Variants in SIM1 observed in about 807,000 individuals in gnomAD.
The protein encoded by SIM1 is SIM bHLH transcription factor 1.
SIM1 carries 18 observed loss-of-function variants against 78.2 expected under a neutral mutation model. The observed-to-expected ratio is 0.23, with a 90% CI of 0.16 to 0.34. SIM1 has a LOEUF of 0.34. SIM1 is among the 10% of genes least tolerant of loss of function. The pLI is 1.00. For missense variants in SIM1, 939 were observed against 975.1 expected (o/e 0.96, Z 0.49); for synonymous variants, 417 against 385.2 (o/e 1.08, Z -0.97).
intron 2 of SIM1, chr6:100,462,661 T>C (rs1483533112): frequency 6.6e-6 from 1 of 152,198 alleles, no homozygotes; most frequent in Admixed American, 6.5e-5. Context: ...GCCTATTATC[T>C]TACAGATAAC....
intron 2 of SIM1, among the ~76,000 whole-genome samples, chr6:100,456,255 T>C (rs916206383): frequency 1.3e-5 from 2 of 152,180 alleles, no homozygotes; most frequent in Non-Finnish European, 2.9e-5. Flanking sequence ...AGTCTCGAAG[T>C]GGGGTAGAGA....
intron 10 of SIM1, among the ~76,000 whole-genome samples, chr6:100,402,404 GT>G (rs1438139610): frequency 6.6e-6 from 1 of 152,062 alleles, no homozygotes; most frequent in Non-Finnish European, 1.5e-5. Context: ...CTGGAAGGTA[GT>G]TTGGTACCAA....
intron 10 of SIM1, among the ~76,000 whole-genome samples, chr6:100,410,126 C>A (rs2114487020): frequency 6.6e-6 from 1 of 152,272 alleles, no homozygotes; most frequent in Middle Eastern, 3.4e-3. Flanking sequence ...CTAAAGATAT[C>A]CAAATTCAAC....
chr6:100,460,205 T>C (rs1451469013), intron 2 of SIM1, among the ~76,000 whole-genome samples: 1 of 151,854 alleles, frequency 6.6e-6, no homozygotes, highest in East Asian at 1.9e-4. Flanking sequence ...AAATAAAAGC[T>C]GAAACTTGCC....
chr6:100,432,340 A>G (rs1422981018), intron 9 of SIM1, among the ~76,000 whole-genome samples: 1 of 152,176 alleles, frequency 6.6e-6, no homozygotes, highest in Non-Finnish European at 1.5e-5. Flanking sequence ...GTTGAGCCCA[A>G]CGATTTGCAT....
At chr6:100,391,810 G>A (rs1262776294) in intron 11 of SIM1, among the ~76,000 whole-genome samples, 1 of 152,026 alleles carries the variant, frequency 6.6e-6, no homozygotes, top group East Asian at 1.9e-4. Flanking sequence ...ATCAAATTTA[G>A]GGGTAAACAT....
At chr6:100,402,654 G>A (rs372126970) in intron 10 of SIM1, among the ~76,000 whole-genome samples, 5 of 134,012 alleles carry the variant, frequency 3.7e-5, no homozygotes, top group African/African-American at 1.4e-4. Context: ...CTCGGCTCAC[G>A]GCAAGCTCCG....
intron 4 of SIM1, 133 bp downstream of exon 4, chr6:100,450,134 G>A: frequency 5.4e-6 from 4 of 740,908 alleles, no homozygotes; most frequent in South Asian, 3.2e-5. Flanking sequence ...CTATTTAAGA[G>A]TCTTCCTGCT....
chr6:100,464,088 C>T (rs1772926899), intron 1 of SIM1, among the ~76,000 whole-genome samples, 153 bp from the exon 2 acceptor site: 1 of 152,152 alleles, frequency 6.6e-6, no homozygotes, highest in South Asian at 2.1e-4. Context: ...AAATCGGCAG[C>T]GAGACAGCCC....
chr6:100,394,513 C>T (rs1158937978), intron 10 of SIM1, among the ~76,000 whole-genome samples: 1 of 152,152 alleles, frequency 6.6e-6, no homozygotes, highest in East Asian at 1.9e-4. Context: ...TCAAGCAATC[C>T]TCCCATCTCA....
At chr6:100,391,453 T>C (rs1273506414) in intron 11 of SIM1, among the ~76,000 whole-genome samples, 1 of 152,246 alleles carries the variant, frequency 6.6e-6, no homozygotes, top group African/African-American at 2.4e-5. Context: ...GAAGGATGCA[T>C]AGAATTTGGT....
At position 100,393,666 on chromosome 6, in the gene SIM1, G is replaced by C. The variant is rs201812554; in HGVS notation, c.1391C>G (p.Thr464Ser). Residue 464 changes from threonine to serine, a missense_variant, in exon 11 of 12, where the codon ACC becomes AGC. Physicochemically the swap from Thr to Ser is moderately conservative, Grantham distance 58. Transcript: ENST00000369208. Reference sequence around the variant, plus strand: ...ACATCGGCCTCCTTCACAGGCCTGGGTATGGAAATGCCTCTCTTCCACCAG... The same window carrying C: ...ACATCGGCCTCCTTCACAGGCCTGGCTATGGAAATGCCTCTCTTCCACCAG... ...SRLVEERHFH[T>S]QACEGGRCEA... 1 of 1,614,108 alleles carries C rather than the reference G, an allele frequency of 6.2e-7. No homozygotes were observed.
intron 2 of SIM1, among the ~76,000 whole-genome samples, chr6:100,459,796 A>G (rs1322920685): frequency 6.6e-6 from 1 of 152,248 alleles, no homozygotes; most frequent in Non-Finnish European, 1.5e-5. Flanking sequence ...TGATCCTTTC[A>G]AAGTTGATTA....
In SIM1 at chr6:100,393,688, C is replaced by G. The variant is rs1219932878; in HGVS notation, c.1369G>C (p.Val457Leu). Residue 457 changes from valine (V) to leucine (L), a missense_variant, in exon 11 of 12, where the codon GTG (valine) becomes CTG (leucine). By Grantham distance (32) the Val-to-Leu change is conservative (BLOSUM62 1). This residue lies in a region of SIM1 where 556 missense variants were observed against 521.9 expected (regional missense o/e 1.07). Coordinates refer to ENST00000369208, the MANE Select transcript of SIM1 (RefSeq NM_005068.3). ...TGGGTATGGAAATGCCTCTCTTCCA[C>G]CAGCCTCGAGTGGTCAAGCGCAAAG... ...YGFALDHSRL[V>L]EERHFHTQAC... 6.2e-7 allele frequency: 1 copy of G among 1,614,044 alleles called. No individual in the cohort carries two copies. The highest frequency in any genetic ancestry group is 1.7e-5 in the Admixed American group (1 of 60,026).
rs184017603 is a variant in SIM1 at position 100,392,370 on chromosome 6, T to G, written c.1570+1117A>C. Among the ~76,000 whole-genome samples, 4 of 152,350 alleles carry G rather than the reference T, an allele frequency of 2.6e-5. No individual in the cohort carries two copies. The East Asian group carries it at 7.7e-4, about 29-fold the overall frequency. ...TATATGAAAGCTGTAAACTGCTTAA[T>G]GCAGCAGAGAAAGCCTGGATCACAC... is the stretch of plus-strand genomic sequence containing the variant. On this transcript the variant is annotated intron_variant, in intron 11 of 11. Coordinates refer to ENST00000369208, the MANE Select transcript of SIM1 (RefSeq NM_005068.3).
At chr6:100,415,494 T>G (rs904688108) in intron 10 of SIM1, among the ~76,000 whole-genome samples, 4 of 152,202 alleles carry the variant, frequency 2.6e-5, no homozygotes, top group Non-Finnish European at 5.9e-5. Context: ...AACTGTAATA[T>G]TTCTTACAAT....
At chr6:100,434,113 T>G (rs1771977403) in intron 9 of SIM1, among the ~76,000 whole-genome samples, 1 of 152,252 alleles carries the variant, frequency 6.6e-6, no homozygotes, top group Non-Finnish European at 1.5e-5. Flanking sequence ...GTAAATATTT[T>G]CTTCCTGGTT....
At chr6:100,399,615 T>C (rs757630680) in intron 10 of SIM1, among the ~76,000 whole-genome samples, 2 of 152,120 alleles carry the variant, frequency 1.3e-5, no homozygotes, top group Non-Finnish European at 2.9e-5. Context: ...ATGGGCACTT[T>C]CTGTGATACC....
intron 10 of SIM1, among the ~76,000 whole-genome samples, chr6:100,409,315 A>G (rs748060045): frequency 2.0e-5 from 3 of 152,104 alleles, no homozygotes; most frequent in Non-Finnish European, 4.4e-5. Flanking sequence ...TAAGTTATCC[A>G]ATTTGTTAGC....
Sources: allele counts gnomAD v4.1 joint callset (sites outside exome capture counted in the v4.1 genomes callset), GRCh38; gene constraint gnomAD v4.1.1; regional missense constraint gnomAD v4.1.1; transcripts MANE v1.5; gene names NCBI Gene and HGNC (gene_info 2026-07-23, HGNC 2026-07-21).